SLC39A10: variants seen among roughly 807,000 people sequenced by gnomAD.
SLC39A10 encodes zinc transporter ZIP10.
A neutral mutation model predicts 65.1 loss-of-function variants in SLC39A10; 13 were observed. That is an observed-to-expected ratio of 0.20 (90% confidence interval 0.13 to 0.32). The LOEUF (loss-of-function observed/expected upper bound fraction) is 0.32. Ranked by LOEUF, SLC39A10 falls within the 10% of genes least tolerant of loss-of-function variation. The pLI, the probability that SLC39A10 is intolerant of heterozygous loss-of-function variation, is 1.00. For synonymous variants in SLC39A10, 321 were observed against 342.2 expected (o/e 0.94, Z 0.68); for missense variants, 831 against 1,018.4 (o/e 0.82, Z 2.50).
At chr2:195,654,253 C>CT (rs1459226087), upstream of SLC39A10, among the ~76,000 whole-genome samples, 14 of 152,166 alleles carry the variant, frequency 9.2e-5, no homozygotes, top group South Asian at 2.7e-3. Flanking sequence ...TAGTCATGTT[C>CT]TTTATAGATT....
At chr2:195,732,293 A>G (rs557681581) in intron 9 of SLC39A10, among the ~76,000 whole-genome samples, 6 of 152,360 alleles carry the variant, frequency 3.9e-5, no homozygotes, top group Admixed American at 2.0e-4. Context: ...AAGCCATTCA[A>G]TAAGATATCA....
rs530786606 is a variant in SLC39A10, at chr2:195,630,921, G to T, written c.-12+24688G>T. 2.4e-4 allele frequency among the ~76,000 whole-genome samples: 37 copies of T among 152,308 alleles called. No individual in the cohort carries two copies. In the South Asian group the frequency reaches 7.0e-3, roughly 29 times the overall value. On this transcript the variant is annotated intron_variant, in intron 2 of 2. Transcript: ENST00000458054. ...TATCAGCATTTGGCCTGGTGCGGTG[G>T]CTCATGCCTGTAATCCCAGCACTTT...
intron 3 of SLC39A10, among the ~76,000 whole-genome samples, chr2:195,699,790 T>C (rs973437713): frequency 1.3e-5 from 2 of 152,122 alleles, no homozygotes; most frequent in Admixed American, 6.5e-5. Flanking sequence ...TTAGATGTAG[T>C]TGGTTTATTG....
chr2:195,644,337 ATTTTTTTT>A (rs11356815), intron 2 of SLC39A10, among the ~76,000 whole-genome samples: 1 of 86,018 alleles, frequency 1.2e-5, no homozygotes, highest in African/African-American at 4.6e-5. Context: ...TCTCAAATAA[ATTTTTTTT>A]TTTTTTTTTT....
intron 1 of SLC39A10, 114 bp downstream of exon 1, chr2:195,657,395 G>GGAGTC: frequency 5.1e-6 from 5 of 985,586 alleles, no homozygotes; most frequent in Non-Finnish European, 6.0e-6. Context: ...ACAGAACCGG[G>GGAGTC]GAGTCGGGGC....
intron 2 of SLC39A10, among the ~76,000 whole-genome samples, chr2:195,638,547 T>C (rs1447909079): frequency 1.3e-5 from 2 of 152,036 alleles, no homozygotes. Flanking sequence ...TTTCACCATG[T>C]TGGCCAGGCT....
chr2:195,614,776 AG>A lies in SLC39A10; in HGVS notation c.-12+8545del, dbSNP rs1354109595. Among the ~76,000 whole-genome samples, 12 of 52,616 alleles carry A rather than the reference AG, an allele frequency of 2.3e-4. No individual in the cohort carries two copies. The East Asian group carries it at 3.8e-3, about 17-fold the overall frequency. The allele number at this position is 52,616 out of a possible 152,430, so 34.5% of individuals were successfully genotyped here. ...AGCAATATAAATGAAAAAAATAGTC[AG>A]GCATGGTGGCTTAGGACTGTTATCC... On this transcript the variant is annotated intron_variant, in intron 2 of 2. Coordinates refer to the SLC39A10 transcript ENST00000458054.
intron 2 of SLC39A10, among the ~76,000 whole-genome samples, chr2:195,624,866 GA>G: frequency 9.0e-6 from 1 of 110,804 alleles, no homozygotes; most frequent in Admixed American, 1.3e-4. Flanking sequence ...CAGCCTGGGC[GA>G]AAAGAGAGAG....
intron 1 of SLC39A10, among the ~76,000 whole-genome samples, chr2:195,661,217 A>C (rs1457741861): frequency 6.6e-6 from 1 of 152,182 alleles, no homozygotes; most frequent in Non-Finnish European, 1.5e-5. Flanking sequence ...AGATTATTGC[A>C]ATATCAGTAT....
chr2:195,627,694 G>C (rs1449470191), intron 2 of SLC39A10, among the ~76,000 whole-genome samples: 2 of 152,152 alleles, frequency 1.3e-5, no homozygotes, highest in Non-Finnish European at 2.9e-5. Context: ...AAGTGAGACT[G>C]GGAAGGAATT....
chr2:195,691,324 C>T (rs1384945125), intron 3 of SLC39A10, among the ~76,000 whole-genome samples: 8 of 152,120 alleles, frequency 5.3e-5, no homozygotes, highest in Non-Finnish European at 1.0e-4. Context: ...CTGCTGTAAA[C>T]GTGTGTCCAA....
intron 2 of SLC39A10, among the ~76,000 whole-genome samples, chr2:195,617,883 G>T (rs1190463855): frequency 6.6e-6 from 1 of 151,198 alleles, no homozygotes; most frequent in Non-Finnish European, 1.5e-5. Context: ...GGGACCACAG[G>T]TGCCCGCCAC....
At chr2:195,702,040 A>G (rs114149838) in intron 3 of SLC39A10, among the ~76,000 whole-genome samples, 2,232 of 152,050 alleles carry the variant, frequency 0.015, 49 homozygotes, top group African/African-American at 0.05. Flanking sequence ...ATTACTTTCT[A>G]ATTTTCTCCA....
chr2:195,613,744 G>A lies in SLC39A10; in HGVS notation c.-12+7511G>A, dbSNP rs575299267. On this transcript the variant is annotated intron_variant, in intron 2 of 2. Coordinates refer to the SLC39A10 transcript ENST00000458054. ...GATTTTATATAGCATTTCAGCAGAG[G>A]TAGATAAAAACATTACCCAGTGCAA... 1.6e-3 allele frequency among the ~76,000 whole-genome samples: 239 copies of A among 152,214 alleles called. 1 individual carries two copies. The highest frequency in any genetic ancestry group is 5.4e-3 in the African/African-American group (225 of 41,546).
intron 5 of SLC39A10, among the ~76,000 whole-genome samples, chr2:195,712,308 C>G (rs537997730): frequency 6.6e-6 from 1 of 152,170 alleles, no homozygotes; most frequent in Non-Finnish European, 1.5e-5. Flanking sequence ...TTCTATTGAT[C>G]AAAACAAGTC....
intron 2 of SLC39A10, among the ~76,000 whole-genome samples, chr2:195,623,900 A>ACC (rs1440563747): frequency 1.0e-5 from 1 of 99,594 alleles, no homozygotes; most frequent in African/African-American, 3.8e-5. Context: ...TAAACAAAAA[A>ACC]CCACACACAC....
chr2:195,625,216 C>CA (rs759012458), intron 2 of SLC39A10, among the ~76,000 whole-genome samples: 1,168 of 108,704 alleles, frequency 0.011, 47 homozygotes, highest in African/African-American at 0.039. Context: ...CACTCTGTCT[C>CA]AAAAAAAAAG....
At chr2:195,721,593 A>G (rs527693682) in intron 8 of SLC39A10, among the ~76,000 whole-genome samples, 1 of 151,712 alleles carries the variant, frequency 6.6e-6, no homozygotes, top group East Asian at 1.9e-4. Context: ...CACAGATACG[A>G]CGTCTTATGC....
chr2:195,628,932 G>C (rs1230682307), intron 2 of SLC39A10, among the ~76,000 whole-genome samples: 1 of 152,070 alleles, frequency 6.6e-6, no homozygotes, highest in Non-Finnish European at 1.5e-5. Flanking sequence ...TACCTACTTG[G>C]CATCTCCACT....
Sources: allele counts gnomAD v4.1 joint callset (sites outside exome capture counted in the v4.1 genomes callset), GRCh38; gene constraint gnomAD v4.1.1; transcripts MANE v1.5; gene names NCBI Gene and HGNC (gene_info 2026-07-23, HGNC 2026-07-21).